Variants in HS3ST3B1 observed in about 807,000 individuals in gnomAD.
The protein encoded by HS3ST3B1 is heparan sulfate-glucosamine 3-sulfotransferase 3B1.
HS3ST3B1 carries 13 observed loss-of-function variants against 21.3 expected under a neutral mutation model. The observed-to-expected ratio is 0.61, with a 90% CI of 0.40 to 0.97. HS3ST3B1 has a LOEUF of 0.97. Ranked by LOEUF, HS3ST3B1 falls within the 50% of genes least tolerant of loss-of-function variation. HS3ST3B1 has a pLI of 0.00. For synonymous variants in HS3ST3B1, 234 were observed against 254.8 expected (o/e 0.92, Z 0.78); for missense variants, 459 against 554.8 (o/e 0.83, Z 1.73).
rs552718124 is a variant in HS3ST3B1 at position 14,321,192 on chromosome 17, C to T, written c.554+19120C>T. Among the ~76,000 whole-genome samples, 16 of 152,244 alleles carry T rather than the reference C, an allele frequency of 1.1e-4. No individual in the cohort carries two copies. In the South Asian group the frequency reaches 3.1e-3, roughly 30 times the overall value. ...ATCAGACACTTTCCCGTCTACGTTC[C>T]GGGTTTATAGCTAGGCTAATTTAAT... On this transcript the variant is annotated intron_variant, in intron 1 of 1. Coordinates refer to ENST00000360954, the MANE Select transcript of HS3ST3B1 (RefSeq NM_006041.3).
intron 1 of HS3ST3B1, among the ~76,000 whole-genome samples, chr17:14,322,772 A>T (rs11870395): frequency 6.5e-4 from 99 of 152,250 alleles, no homozygotes; most frequent in African/African-American, 2.3e-3. Flanking sequence ...GCTTTTGACC[A>T]GCAGAACAAC....
At chr17:14,310,879 A>G (rs1053982484) in intron 1 of HS3ST3B1, among the ~76,000 whole-genome samples, 1 of 152,102 alleles carries the variant, frequency 6.6e-6, no homozygotes, top group Admixed American at 6.5e-5. Context: ...TCCTGTTCCC[A>G]CCGAAGATCC....
chr17:14,343,766 T>A lies in HS3ST3B1; in HGVS notation c.555-1262T>A, dbSNP rs118001658. Among the ~76,000 whole-genome samples, 340 of 152,352 alleles carry A rather than the reference T, an allele frequency of 2.2e-3. 2 individuals carry two copies. The highest frequency in any genetic ancestry group is 7.0e-3 in the South Asian group (34 of 4,828). On this transcript the variant is annotated intron_variant, in intron 1 of 1. Transcript: ENST00000360954. ...AGACACTTAAGTTGCTTCCATATCT[T>A]GTCAATTTTGAATAATGCTATTATA...
chr17:14,304,192 CGCGGGAG>C (rs1909051206), intron 1 of HS3ST3B1: 1 of 152,138 alleles, frequency 6.6e-6, no homozygotes, highest in Non-Finnish European at 1.5e-5. Flanking sequence ...TTGGCTGGGC[CGCGGGAG>C]GCGGGAGGTT....
Position 14,303,495 on chromosome 17 carries a change from T to C in HS3ST3B1, c.554+1423T>C, listed in dbSNP as rs1909014791. On this transcript the variant is annotated intron_variant, in intron 1 of 1. Coordinates refer to ENST00000360954, the MANE Select transcript of HS3ST3B1 (RefSeq NM_006041.3). The surrounding 1 kb of genome is among the most constrained non-coding windows in gnomAD (Gnocchi z 5.7). ...ACCGTGACAGTCATCTTTCCCACCG[T>C]TCCCGGGCTGTGACCCATTCTCGGG... 6.6e-6 allele frequency among the ~76,000 whole-genome samples: 1 copy of C among 152,106 alleles called. No homozygotes were observed.
intron 1 of HS3ST3B1, among the ~76,000 whole-genome samples, chr17:14,335,773 G>A (rs548653892): frequency 9.9e-5 from 15 of 152,194 alleles, no homozygotes; most frequent in African/African-American, 3.1e-4. Flanking sequence ...CCAAAGCAGT[G>A]TCAAAACAAG....
At chr17:14,330,550 GGTGTGTGTGTGTGT>G (rs60767866) in intron 1 of HS3ST3B1, among the ~76,000 whole-genome samples, 1 of 144,174 alleles carries the variant, frequency 6.9e-6, no homozygotes, top group East Asian at 2.1e-4. Flanking sequence ...CTGGTTTCCC[GGTGTGTGTGTGTGT>G]GTGTGTGTGT....
intron 1 of HS3ST3B1, among the ~76,000 whole-genome samples, chr17:14,325,621 T>A (rs1031864829): frequency 6.6e-6 from 1 of 152,240 alleles, no homozygotes. Flanking sequence ...GCGAGCGTGC[T>A]CTAAACAGTG....
chr17:14,345,569 C>T lies in HS3ST3B1; in HGVS notation c.1096C>T (p.Arg366Cys), dbSNP rs1013852427. 3.8e-6 allele frequency: 6 copies of T among 1,564,992 alleles called. No homozygotes were observed. The African/African-American group carries it at 8.2e-5, about 21-fold the overall frequency. Residue 366 changes from arginine (R) to cysteine (C), a missense_variant, in exon 2 of 2, where the codon CGC becomes TGC. Physicochemically the swap from Arg to Cys is radical, Grantham distance 180. This residue lies in a region of HS3ST3B1 where 127 missense variants were observed against 209.9 expected (regional missense o/e 0.60). Coordinates refer to ENST00000360954, the MANE Select transcript of HS3ST3B1 (RefSeq NM_006041.3). ...TCCTGAGATCGACCGCGAGGTGGTG[C>T]GCAGGCTGCGCGAGTTCTACCGGCC... ...THPEIDREVV[R>C]RLREFYRPFN... is the part of the protein sequence containing the mutation.
At chr17:14,335,976 C>A (rs756205444) in intron 1 of HS3ST3B1, among the ~76,000 whole-genome samples, 11 of 152,170 alleles carry the variant, frequency 7.2e-5, no homozygotes, top group Non-Finnish European at 1.3e-4. Flanking sequence ...CTAAGTTAAA[C>A]AGTAAGTTTA....
At chr17:14,326,016 T>C (rs948378995) in intron 1 of HS3ST3B1, among the ~76,000 whole-genome samples, 13 of 152,100 alleles carry the variant, frequency 8.5e-5, no homozygotes, top group Non-Finnish European at 8.8e-5. Flanking sequence ...TGTGTGTGTG[T>C]GTGTACGTGT....
rs192265339 is a variant in HS3ST3B1, at chr17:14,345,892, C to T, written c.*246C>T. 8.7e-5 allele frequency: 42 copies of T among 483,192 alleles called. No homozygotes were observed. Among genetic ancestry groups the T allele is most frequent in the Admixed American group, 2.7e-4 (7 of 25,792 alleles). 29.9% of individuals were successfully genotyped at this position (483,192 alleles called of 1,614,324 possible). ...TGGTGCTTCTATTTTTTCTTCTCCCCTACCTGTTATATTTAAAACAAAGAA... is the reference window on the plus strand; with the variant it reads ...TGGTGCTTCTATTTTTTCTTCTCCCTTACCTGTTATATTTAAAACAAAGAA... On this transcript the variant is annotated 3_prime_UTR_variant, in exon 2 of 2. Coordinates refer to ENST00000360954, the MANE Select transcript of HS3ST3B1 (RefSeq NM_006041.3).
chr17:14,311,577 C>T (rs1567636699), intron 1 of HS3ST3B1, among the ~76,000 whole-genome samples: 2 of 152,182 alleles, frequency 1.3e-5, no homozygotes, highest in East Asian at 1.9e-4. Context: ...TTAGGGCTCA[C>T]TGTTGGTGAT....
At chr17:14,342,139 A>G (rs1230419551) in intron 1 of HS3ST3B1, among the ~76,000 whole-genome samples, 1 of 152,202 alleles carries the variant, frequency 6.6e-6, no homozygotes, top group Non-Finnish European at 1.5e-5. Flanking sequence ...TGGTTTCCGT[A>G]TCGGTGCTAG....
chr17:14,327,485 C>T (rs1368655757), intron 1 of HS3ST3B1: 1 of 152,160 alleles, frequency 6.6e-6, no homozygotes, highest in African/African-American at 2.4e-5. Flanking sequence ...TTTTGCTTAG[C>T]ATTTAAGTTC....
intron 1 of HS3ST3B1, among the ~76,000 whole-genome samples, chr17:14,340,933 G>A (rs567245911): frequency 2.0e-5 from 3 of 152,156 alleles, no homozygotes; most frequent in African/African-American, 7.2e-5. Flanking sequence ...CTTTATCACA[G>A]CAGTAGTTCC....
intron 1 of HS3ST3B1, chr17:14,329,325 GAAAGAAAGAAAGAA>G (rs1909911309): frequency 1.0e-5 from 1 of 98,488 alleles, no homozygotes; most frequent in African/African-American, 4.2e-5. Flanking sequence ...GAGAAAGAAA[GAAAGAAAGAAAGAA>G]AGAAAGAAAG....
intron 1 of HS3ST3B1, chr17:14,329,367 AAAGGAAGGAAGG>A (rs144191311): frequency 4.1e-4 from 44 of 106,226 alleles, no homozygotes; most frequent in African/African-American, 1.4e-3. Flanking sequence ...GAAAGAAAGA[AAAGGAAGGAAGG>A]AAGGAAGGAA....
rs750581457 is a variant in HS3ST3B1 at position 14,301,844 on chromosome 17, C to A, written c.326C>A (p.Ala109Glu). The change falls in exon 1 of 2, where the codon GCG becomes GAG. Residue 109 changes from alanine (A) to glutamate (E), a missense_variant. Transcript: ENST00000360954. ...ASGKEMAEGA[A>E]SPEEQSPEVP... ...GGCAAGGAGATGGCCGAGGGCGCTG[C>A]GAGCCCGGAGGAGCAGAGTCCCGAG... 56 of 1,588,492 alleles carry A rather than the reference C, an allele frequency of 3.5e-5. No individual in the cohort carries two copies. Among genetic ancestry groups the A allele is most frequent in the Admixed American group, 9.0e-5 (5 of 55,726 alleles).
Sources: allele counts gnomAD v4.1 joint callset (sites outside exome capture counted in the v4.1 genomes callset), GRCh38; gene constraint gnomAD v4.1.1; regional missense constraint gnomAD v4.1.1; non-coding constraint Gnocchi (gnomAD v3.1); transcripts MANE v1.5; gene names NCBI Gene and HGNC (gene_info 2026-07-23, HGNC 2026-07-21).